Variants in ZBTB20 observed in about 807,000 individuals in gnomAD.
ZBTB20 encodes zinc finger and BTB domain containing 20, also known as zinc finger and BTB domain-containing protein 20.
A neutral mutation model predicts 56.9 loss-of-function variants in ZBTB20; 9 were observed. That is an observed-to-expected ratio of 0.16 (90% CI 0.10 to 0.28). The LOEUF (loss-of-function observed/expected upper bound fraction) is 0.28, where lower values mean the gene tolerates loss of function less well. ZBTB20 is among the 10% of genes least tolerant of loss of function. ZBTB20 has a pLI of 1.00. For synonymous variants in ZBTB20, 417 were observed against 420.7 expected (o/e 0.99, Z 0.11); for missense variants, 655 against 1,003.0 (o/e 0.65, Z 4.69).
intron 2 of ZBTB20, among the ~76,000 whole-genome samples, chr3:115,051,364 G>GA (rs932999391): frequency 1.3e-5 from 2 of 151,742 alleles, no homozygotes; most frequent in Admixed American, 6.6e-5. Context: ...AGCATCTGAG[G>GA]AAAAAAAATT....
chr3:114,366,671 C>A (rs1318668097), intron 10 of ZBTB20: 3 of 152,196 alleles, frequency 2.0e-5, no homozygotes, highest in African/African-American at 7.2e-5. Flanking sequence ...AAGTTCCATA[C>A]CCATGTGTCT....
Position 114,865,737 on chromosome 3 carries a change from C to A in ZBTB20, c.-417+34567G>T, listed in dbSNP as rs187537461. Among the ~76,000 whole-genome samples the A allele has an allele frequency of 2.6e-3, 389 of 152,194 alleles. 1 individual carries two copies. The highest frequency in any genetic ancestry group is 9.0e-3 in the African/African-American group (373 of 41,524). ...CTTACTTACCCATATCAATAACAACCAGTATAATTTGAAGGAAAAAGGAGA... is the reference window on the plus strand; with the variant it reads ...CTTACTTACCCATATCAATAACAACAAGTATAATTTGAAGGAAAAAGGAGA... On this transcript the variant is annotated intron_variant, in intron 4 of 11. Coordinates refer to ENST00000675478, the MANE Select transcript of ZBTB20 (RefSeq NM_001348800.3).
chr3:114,749,455 A>T (rs1469250349), intron 5 of ZBTB20, among the ~76,000 whole-genome samples: 2 of 152,086 alleles, frequency 1.3e-5, no homozygotes, highest in Non-Finnish European at 2.9e-5. Flanking sequence ...TGGGAGGCAG[A>T]GGCAAGAGAA....
chr3:115,072,394 C>T (rs1023556375), intron 1 of ZBTB20, among the ~76,000 whole-genome samples: 10 of 152,158 alleles, frequency 6.6e-5, no homozygotes, highest in African/African-American at 1.2e-4. Flanking sequence ...ATGTAACTGA[C>T]GGAATACTCA....
intron 7 of ZBTB20, among the ~76,000 whole-genome samples, chr3:114,402,829 CAGG>C (rs2086942250): frequency 6.6e-6 from 1 of 152,096 alleles, no homozygotes; most frequent in African/African-American, 2.4e-5. Flanking sequence ...TCTGGAAGGG[CAGG>C]AGGTTTGCCT....
intron 7 of ZBTB20, among the ~76,000 whole-genome samples, chr3:114,482,222 A>G (rs148609206): frequency 2.0e-4 from 31 of 152,060 alleles, no homozygotes; most frequent in African/African-American, 7.3e-4. Flanking sequence ...GACAAGGAAG[A>G]CACATCAGGG....
At chr3:114,404,047 C>T (rs2087061095) in intron 7 of ZBTB20, among the ~76,000 whole-genome samples, 1 of 152,158 alleles carries the variant, frequency 6.6e-6, no homozygotes, top group South Asian at 2.1e-4. Context: ...TTGGTAAATA[C>T]TTGCTTTCTC....
chr3:114,512,180 T>C (rs1441250945), intron 6 of ZBTB20, among the ~76,000 whole-genome samples: 1 of 116,816 alleles, frequency 8.6e-6, no homozygotes, highest in East Asian at 2.3e-4. Context: ...GGAATATGAA[T>C]GGGGACTAAA....
At chr3:114,498,205 T>C (rs984052310) in intron 7 of ZBTB20, among the ~76,000 whole-genome samples, 1 of 152,156 alleles carries the variant, frequency 6.6e-6, no homozygotes, top group African/African-American at 2.4e-5. Flanking sequence ...GCATGGCAGA[T>C]TATGGAGGGT....
intron 6 of ZBTB20, among the ~76,000 whole-genome samples, chr3:114,591,161 T>C (rs998855143): frequency 3.3e-5 from 5 of 152,212 alleles, no homozygotes; most frequent in African/African-American, 7.2e-5. Flanking sequence ...TTAAATTTGT[T>C]TGGAGGGGTT....
At chr3:114,778,953 C>T (rs56207528) in intron 5 of ZBTB20, among the ~76,000 whole-genome samples, 1,683 of 152,198 alleles carry the variant, frequency 0.011, 36 homozygotes, top group African/African-American at 0.038. Context: ...ATTCAAAGTA[C>T]CAGGAGGCTA....
chr3:114,496,937 G>A (rs2043346412), intron 7 of ZBTB20, among the ~76,000 whole-genome samples: 1 of 152,314 alleles, frequency 6.6e-6, no homozygotes, highest in African/African-American at 2.4e-5. Flanking sequence ...ACTATGGGCA[G>A]TAGGAGGCAC....
chr3:114,989,489 GTT>G (rs1315976483), intron 2 of ZBTB20, among the ~76,000 whole-genome samples: 1 of 152,062 alleles, frequency 6.6e-6, no homozygotes, highest in Non-Finnish European at 1.5e-5. Flanking sequence ...GCACCATGCT[GTT>G]TGGTTACTGT....
chr3:114,496,069 ACAAAAAGAGTGGTTTC>A (rs2043253243), intron 7 of ZBTB20, among the ~76,000 whole-genome samples: 1 of 152,102 alleles, frequency 6.6e-6, no homozygotes, highest in African/African-American at 2.4e-5. Context: ...TATAACCATC[ACAAAAAGAGTGGTTTC>A]CACAGAGATG....
intron 6 of ZBTB20, among the ~76,000 whole-genome samples, chr3:114,526,763 A>T (rs2047263901): frequency 6.6e-6 from 1 of 152,194 alleles, no homozygotes; most frequent in Admixed American, 6.5e-5. Flanking sequence ...TACGTGGTTT[A>T]TAGGACAGGG....
At chr3:114,374,844 C>G (rs1241222723) in intron 10 of ZBTB20, among the ~76,000 whole-genome samples, 1 of 152,160 alleles carries the variant, frequency 6.6e-6, no homozygotes, top group African/African-American at 2.4e-5. Flanking sequence ...CTGAGCACCT[C>G]CAACAGAAAT....
At position 114,900,135 on chromosome 3, in the gene ZBTB20, AAATAT is replaced by A. The variant is rs1445861493; in HGVS notation, c.-417+164_-417+168del. 5.3e-5 allele frequency among the ~76,000 whole-genome samples: 8 copies of A among 152,252 alleles called. No individual in the cohort carries two copies. In the East Asian group the frequency reaches 5.8e-4, roughly 11 times the overall value. On this transcript the variant is annotated intron_variant, in intron 4 of 11. Coordinates refer to ENST00000675478, the MANE Select transcript of ZBTB20 (RefSeq NM_001348800.3). ...TTGATTCTTACAATAGAATAAAATA[AAATAT>A]ATGTATAAAATGTACTATCCTTTGA...
At chr3:114,683,842 T>G (rs1309643248) in intron 6 of ZBTB20, among the ~76,000 whole-genome samples, 1 of 152,034 alleles carries the variant, frequency 6.6e-6, no homozygotes. Context: ...GAAGGGACCA[T>G]GACAGCACTG....
intron 7 of ZBTB20, among the ~76,000 whole-genome samples, chr3:114,459,565 C>T (rs1229830925): frequency 2.0e-5 from 3 of 152,100 alleles, no homozygotes; most frequent in African/African-American, 7.2e-5. Context: ...CAGCATCACA[C>T]CTGCCATGGT....
Sources: allele counts gnomAD v4.1 joint callset (sites outside exome capture counted in the v4.1 genomes callset), GRCh38; gene constraint gnomAD v4.1.1; transcripts MANE v1.5; gene names NCBI Gene and HGNC (gene_info 2026-07-23, HGNC 2026-07-21).